The following NAALADL2 variants were observed in gnomAD, a reference collection of about 807,000 sequenced individuals.
The protein encoded by NAALADL2 is inactive N-acetylated-alpha-linked acidic dipeptidase-like protein 2.
In NAALADL2, 76 loss-of-function variants were observed where a neutral mutation model predicts 87.2. The observed-to-expected ratio is 0.87, with a 90% confidence interval of 0.72 to 1.05. The LOEUF (loss-of-function observed/expected upper bound fraction) is 1.05. NAALADL2 is among the 50% of genes least tolerant of loss of function. NAALADL2 has a pLI of 0.00. For missense variants in NAALADL2, 1,089 were observed against 945.8 expected, an observed-to-expected ratio of 1.15 and a Z score of -1.99; for synonymous variants, 354 against 331.0, an observed-to-expected ratio of 1.07 and a Z score of -0.75.
At chr3:174,775,043 A>G (rs1715037908) in intron 3 of NAALADL2, among the ~76,000 whole-genome samples, 1 of 152,108 alleles carries the variant, frequency 6.6e-6, no homozygotes, top group Non-Finnish European at 1.5e-5. Context: ...CCTGAGTGCC[A>G]CTGTTATGAG....
chr3:175,477,780 A>G (rs1725911641), intron 9 of NAALADL2, among the ~76,000 whole-genome samples: 1 of 146,676 alleles, frequency 6.8e-6, no homozygotes, highest in African/African-American at 2.4e-5. Flanking sequence ...TACTGCCTCA[A>G]TAGAGCCATT....
At chr3:175,658,000 A>G (rs1011143230) in intron 11 of NAALADL2, among the ~76,000 whole-genome samples, 4 of 151,940 alleles carry the variant, frequency 2.6e-5, no homozygotes, top group South Asian at 2.1e-4. Context: ...ATGTATATAT[A>G]TATAATATAT....
At position 175,274,337 on chromosome 3, in the gene NAALADL2, T is replaced by C. The variant is rs557744063; in HGVS notation, c.939+17807T>C. ...TTCCTCCCACGACACGTGGGGATTATTACAATTCAAGGTGAGATTTGAACA... is the reference window on the plus strand; with the variant it reads ...TTCCTCCCACGACACGTGGGGATTACTACAATTCAAGGTGAGATTTGAACA... On this transcript the variant is annotated intron_variant, in intron 4 of 13. Coordinates refer to ENST00000454872, the MANE Select transcript of NAALADL2 (RefSeq NM_207015.3). Among the ~76,000 whole-genome samples, 258 of 152,296 alleles carry C rather than the reference T, an allele frequency of 1.7e-3. 1 individual carries two copies. Among genetic ancestry groups the C allele is most frequent in the African/African-American group, 5.9e-3 (245 of 41,556 alleles).
At chr3:175,201,972 A>G (rs1740105369) in intron 2 of NAALADL2, among the ~76,000 whole-genome samples, 1 of 152,074 alleles carries the variant, frequency 6.6e-6, no homozygotes, top group Non-Finnish European at 1.5e-5. Context: ...CTTACATGGT[A>G]CTATCATGTT....
intron 1 of NAALADL2, among the ~76,000 whole-genome samples, chr3:175,001,927 G>T (rs1016438984): frequency 3.9e-5 from 6 of 152,046 alleles, no homozygotes; most frequent in Non-Finnish European, 5.9e-5. Context: ...TTAGTGGGTG[G>T]CCAAGGAAAA....
chr3:175,058,437 C>G (rs1187416594), intron 1 of NAALADL2, among the ~76,000 whole-genome samples: 1 of 152,114 alleles, frequency 6.6e-6, no homozygotes, highest in Non-Finnish European at 1.5e-5. Context: ...GAACAAGTCT[C>G]TATTTTACTG....
chr3:175,078,665 A>G (rs1323420857), intron 1 of NAALADL2, among the ~76,000 whole-genome samples: 4 of 152,186 alleles, frequency 2.6e-5, no homozygotes, highest in Non-Finnish European at 4.4e-5. Flanking sequence ...TCTGGACTTA[A>G]ATGTAAATAA....
At chr3:174,987,591 A>AAAAAAAAAAC (rs1746089923) in intron 1 of NAALADL2, among the ~76,000 whole-genome samples, 2 of 140,646 alleles carry the variant, frequency 1.4e-5, no homozygotes, top group Admixed American at 7.0e-5. Context: ...AAAAAAAAAA[A>AAAAAAAAAAC]AAAAAAACAA....
intron 2 of NAALADL2, among the ~76,000 whole-genome samples, chr3:174,568,462 G>A (rs1033443154): frequency 2.6e-5 from 4 of 151,754 alleles, no homozygotes; most frequent in South Asian, 4.2e-4. Flanking sequence ...TAACACATAC[G>A]TATATGAAAA....
At chr3:175,323,005 T>C (rs1316855405) in intron 4 of NAALADL2, among the ~76,000 whole-genome samples, 3 of 151,722 alleles carry the variant, frequency 2.0e-5, no homozygotes, top group African/African-American at 4.8e-5. Context: ...CCCAAAAGAC[T>C]ATAAATCATG....
Position 174,785,676 on chromosome 3 carries a change from T to C in NAALADL2, c.-9+47930T>C, listed in dbSNP as rs373575074. On this transcript the variant is annotated intron_variant, in intron 3 of 3. Coordinates refer to the NAALADL2 transcript ENST00000434257. ...GTGATGTTGTGTTGCTACATTTCAATTGAGCGGACATTAAGATGTAGGCTT... is the reference window on the plus strand; with the variant it reads ...GTGATGTTGTGTTGCTACATTTCAACTGAGCGGACATTAAGATGTAGGCTT... Among the ~76,000 whole-genome samples, 93 of 152,302 alleles carry C rather than the reference T, an allele frequency of 6.1e-4. 4 individuals are homozygous for C. The South Asian group carries it at 0.019, about 31-fold the overall frequency.
At chr3:174,466,862 A>G (rs1716563431) in intron 1 of NAALADL2, among the ~76,000 whole-genome samples, 1 of 152,206 alleles carries the variant, frequency 6.6e-6, no homozygotes, top group Non-Finnish European at 1.5e-5. Context: ...AGTTCTTTAT[A>G]TAAATGTTAC....
chr3:175,359,717 A>C (rs1764769406), intron 5 of NAALADL2, among the ~76,000 whole-genome samples: 1 of 152,156 alleles, frequency 6.6e-6, no homozygotes, highest in Non-Finnish European at 1.5e-5. Context: ...CAAAGAATTA[A>C]ACATTAAATT....
At chr3:175,197,339 A>C (rs1026959777) in intron 2 of NAALADL2, among the ~76,000 whole-genome samples, 1 of 151,974 alleles carries the variant, frequency 6.6e-6, no homozygotes, top group Non-Finnish European at 1.5e-5. Flanking sequence ...TGTATGTTTT[A>C]TGGTAGTAAA....
At chr3:174,867,625 A>G (rs1010853347) in intron 1 of NAALADL2, among the ~76,000 whole-genome samples, 3 of 152,096 alleles carry the variant, frequency 2.0e-5, no homozygotes, top group African/African-American at 7.2e-5. Flanking sequence ...TAAAATGCAC[A>G]GTCTTATTCC....
chr3:175,074,712 T>C (rs1016791157), intron 1 of NAALADL2, among the ~76,000 whole-genome samples: 2 of 152,218 alleles, frequency 1.3e-5, no homozygotes, highest in Non-Finnish European at 2.9e-5. Context: ...CATAAAATGA[T>C]ATGGCTGAGG....
intron 11 of NAALADL2, chr3:175,655,699 T>C (rs1731363480): frequency 1.2e-5 from 1 of 84,518 alleles, no homozygotes; most frequent in Admixed American, 1.1e-4. Context: ...AAAAAATAAA[T>C]AAAATAAAAT....
chr3:175,214,287 T>C (rs555816578), intron 2 of NAALADL2, among the ~76,000 whole-genome samples: 52 of 152,302 alleles, frequency 3.4e-4, no homozygotes, highest in African/African-American at 1.1e-3. Flanking sequence ...CAGTCATTGA[T>C]ACTGTGTTAC....
At chr3:174,960,995 C>A (rs779225791) in intron 1 of NAALADL2, among the ~76,000 whole-genome samples, 2 of 150,330 alleles carry the variant, frequency 1.3e-5, no homozygotes, top group Non-Finnish European at 3.0e-5. Flanking sequence ...TATGATCATG[C>A]CATTCCACTC....
Sources: allele counts gnomAD v4.1 joint callset (sites outside exome capture counted in the v4.1 genomes callset), GRCh38; gene constraint gnomAD v4.1.1; transcripts MANE v1.5; gene names NCBI Gene and HGNC (gene_info 2026-07-23, HGNC 2026-07-21).